Variants in FAM186A observed in about 807,000 individuals in gnomAD.
FAM186A encodes protein FAM186A.
Under a neutral mutation model 216.8 loss-of-function variants are expected in FAM186A, and 163 were observed. That is an observed-to-expected ratio of 0.75 (90% CI 0.66 to 0.86). FAM186A has a LOEUF of 0.86. FAM186A is among the 40% of genes least tolerant of loss of function. The pLI is 0.00. For missense variants in FAM186A, 2,184 were observed against 2,746.2 expected (o/e 0.80, Z 4.58); for synonymous variants, 805 against 1,025.3 (o/e 0.79, Z 4.10).
At chr12:50,380,280 G>A (rs1943241716) in intron 1 of FAM186A, among the ~76,000 whole-genome samples, 1 of 152,084 alleles carries the variant, frequency 6.6e-6, no homozygotes, top group Non-Finnish European at 1.5e-5. Context: ...TAAATGCAGT[G>A]CTACTTAATA....
intron 1 of FAM186A, among the ~76,000 whole-genome samples, chr12:50,393,653 C>G (rs181405906): frequency 3.9e-5 from 6 of 152,046 alleles, no homozygotes; most frequent in African/African-American, 1.4e-4. Context: ...CCAAGACCAG[C>G]CTGGGCAACA....
chr12:50,365,889 A>G (rs1260072208), intron 1 of FAM186A: 1 of 762,952 alleles, frequency 1.3e-6, no homozygotes, highest in East Asian at 2.4e-5. Context: ...GAAATATATT[A>G]TCTACATTGA....
chr12:50,384,668 AG>A (rs139612488), intron 1 of FAM186A, among the ~76,000 whole-genome samples: 105,069 of 151,700 alleles, frequency 0.69, 43,450 homozygotes, highest in Non-Finnish European at 0.93. Context: ...ATTGATTTTC[AG>A]CAAAGATGCC....
At chr12:50,373,059 GAA>G (rs1197613461) in intron 1 of FAM186A, among the ~76,000 whole-genome samples, 11 of 144,584 alleles carry the variant, frequency 7.6e-5, no homozygotes, top group African/African-American at 2.6e-4. Flanking sequence ...AAGAAAGAAA[GAA>G]AGAAAGAAAG....
chr12:50,346,544 A>G (rs933465460), intron 4 of FAM186A, among the ~76,000 whole-genome samples: 4 of 152,130 alleles, frequency 2.6e-5, no homozygotes, highest in Admixed American at 2.6e-4. Flanking sequence ...TGTTTTATAC[A>G]TTTATTTAAA....
In FAM186A at chr12:50,350,221, C is replaced by G. The variant is rs970381596; in HGVS notation, c.6503+108G>C. On this transcript the variant is annotated intron_variant, in intron 4 of 7. Transcript: ENST00000327337. ...CCCATAGACCTTATATAAGGCAGTC[C>G]TTTAGAACATATGGCCTGACAAATA... is the stretch of plus-strand genomic sequence containing the variant. 3.8e-6 allele frequency: 4 copies of G among 1,045,856 alleles called. No homozygotes were observed. The African/African-American group carries it at 6.4e-5, about 17-fold the overall frequency. 64.8% of individuals were successfully genotyped at this position (1,045,856 alleles called of 1,614,324 possible).
At position 50,392,812 on chromosome 12, in the gene FAM186A, G is replaced by C. The variant is rs11503904; in HGVS notation, c.192+3481C>G. 3.3e-3 allele frequency among the ~76,000 whole-genome samples: 451 copies of C among 135,460 alleles called. 5 individuals carry two copies. Among genetic ancestry groups the C allele is most frequent in the African/African-American group, 0.011 (382 of 35,202 alleles). 88.9% of individuals were successfully genotyped at this position (135,460 alleles called of 152,430 possible). A position where few individuals can be genotyped will look rare whatever the true frequency, so the allele number is the denominator to read the frequency against. ...ATTTTTAGTAGAGACGGGGTTTCAC[G>C]GTGTTAGCCAAAATGGTCTCGATCT... On this transcript the variant is annotated intron_variant, in intron 1 of 7. Transcript: ENST00000327337.
intron 4 of FAM186A, among the ~76,000 whole-genome samples, chr12:50,334,313 A>G (rs912924361): frequency 2.6e-5 from 4 of 151,886 alleles, no homozygotes; most frequent in African/African-American, 9.7e-5. Flanking sequence ...CTGGGACTAC[A>G]GGTGCGCACC....
chr12:50,343,560 C>T (rs1389484010), intron 4 of FAM186A, among the ~76,000 whole-genome samples: 1 of 152,114 alleles, frequency 6.6e-6, no homozygotes, highest in Admixed American at 6.6e-5. Flanking sequence ...CCTCAGCTTC[C>T]TGAGTAGCTG....
intron 4 of FAM186A, among the ~76,000 whole-genome samples, chr12:50,334,619 AG>A (rs1316462607): frequency 1.3e-5 from 2 of 152,084 alleles, no homozygotes; most frequent in Non-Finnish European, 2.9e-5. Context: ...CTGGGAATAC[AG>A]GTGTGCACCA....
chr12:50,384,089 A>T (rs1943279812), intron 1 of FAM186A, among the ~76,000 whole-genome samples: 1 of 151,932 alleles, frequency 6.6e-6, no homozygotes, highest in Non-Finnish European at 1.5e-5. Flanking sequence ...CTGCACTCCA[A>T]CCTGGGCGAC....
chr12:50,337,766 A>G (rs1942724227), intron 4 of FAM186A, among the ~76,000 whole-genome samples: 1 of 151,878 alleles, frequency 6.6e-6, no homozygotes, highest in Admixed American at 6.6e-5. Context: ...CGTGGTGGCA[A>G]GCGCCTGTAG....
At chr12:50,376,740 CTCTCTCT>C (rs1222425438) in intron 1 of FAM186A, among the ~76,000 whole-genome samples, 5 of 71,934 alleles carry the variant, frequency 7.0e-5, no homozygotes, top group Non-Finnish European at 8.2e-5. Context: ...CTCTCTCTCT[CTCTCTCT>C]TTTTTTTTTT....
chr12:50,393,052 G>A (rs1344953695), intron 1 of FAM186A, among the ~76,000 whole-genome samples: 3 of 150,178 alleles, frequency 2.0e-5, no homozygotes, highest in Non-Finnish European at 3.0e-5. Flanking sequence ...TCAGCCTCCC[G>A]AGTGGGTGGG....
Position 50,351,800 on chromosome 12 carries a change from C to G in FAM186A, c.5032G>C (p.Glu1678Gln). Reference sequence around the variant, plus strand: ...TTCAATAACTGTTCTTGAGCCTGTTCTAAGTTCATAGGGGACTCCAAAGCG... The same window carrying G: ...TTCAATAACTGTTCTTGAGCCTGTTGTAAGTTCATAGGGGACTCCAAAGCG... ...THALESPMNLEQAQEQLLKLG... is the reference protein window; with the variant it reads ...THALESPMNLQQAQEQLLKLG... The change falls in exon 4 of 8, where the codon GAA becomes CAA. Residue 1678 changes from glutamate (E) to glutamine (Q), a missense_variant. Coordinates refer to ENST00000327337, the MANE Select transcript of FAM186A (RefSeq NM_001145475.3). 1 of 1,549,042 alleles carries G rather than the reference C, an allele frequency of 6.5e-7. No individual in the cohort carries two copies. The highest frequency in any genetic ancestry group is 2.4e-5 in the East Asian group (1 of 40,920).
chr12:50,393,843 CTG>C (rs1453462587), intron 1 of FAM186A, among the ~76,000 whole-genome samples: 2 of 152,176 alleles, frequency 1.3e-5, no homozygotes, highest in Non-Finnish European at 2.9e-5. Context: ...AAAGCAAACA[CTG>C]TGTTATTGTT....
chr12:50,367,770 ATCAG>A (rs1565891476), intron 1 of FAM186A, among the ~76,000 whole-genome samples: 2 of 152,134 alleles, frequency 1.3e-5, no homozygotes, highest in Non-Finnish European at 2.9e-5. Flanking sequence ...ATACATACAA[ATCAG>A]TCACTTTGCT....
chr12:50,371,084 G>A (rs1263866165), intron 1 of FAM186A, among the ~76,000 whole-genome samples: 1 of 151,928 alleles, frequency 6.6e-6, no homozygotes, highest in East Asian at 1.9e-4. Flanking sequence ...GAGCAACAGA[G>A]CGAGACTTCA....
intron 1 of FAM186A, among the ~76,000 whole-genome samples, chr12:50,381,603 G>A (rs1161223327): frequency 6.6e-6 from 1 of 152,090 alleles, no homozygotes; most frequent in Non-Finnish European, 1.5e-5. Context: ...GATATTCTGT[G>A]TAAATGGAAA....
Sources: allele counts gnomAD v4.1 joint callset (sites outside exome capture counted in the v4.1 genomes callset), GRCh38; gene constraint gnomAD v4.1.1; transcripts MANE v1.5; gene names NCBI Gene and HGNC (gene_info 2026-07-23, HGNC 2026-07-21).